The following ZNF710 variants were observed in gnomAD, a reference collection of about 807,000 sequenced individuals.
ZNF710 encodes the protein zinc finger protein 710.
A neutral mutation model predicts 50.6 loss-of-function variants in ZNF710; 13 were observed. That is an observed-to-expected ratio of 0.26 (90% CI 0.17 to 0.41). The LOEUF (loss-of-function observed/expected upper bound fraction) is 0.41, where lower values mean the gene tolerates loss of function less well. ZNF710 is among the 10% of genes least tolerant of loss of function. The probability of loss-of-function intolerance (pLI) is 1.00; values close to 1 mark genes in which losing one functional copy is unlikely to be tolerated. For synonymous variants in ZNF710, 383 were observed against 397.0 expected, an observed-to-expected ratio of 0.96 and a Z score of 0.42; for missense variants, 721 against 936.6, an observed-to-expected ratio of 0.77 and a Z score of 3.01.
chr15:90,050,996 T>G (rs914897086), intron 1 of ZNF710, among the ~76,000 whole-genome samples: 2 of 152,110 alleles, frequency 1.3e-5, no homozygotes, highest in Non-Finnish European at 2.9e-5. Flanking sequence ...CCCAGCACTT[T>G]GGGAGGCCGA....
intron 1 of ZNF710, chr15:90,002,600 C>A (rs952816873): frequency 6.6e-6 from 1 of 152,328 alleles, no homozygotes; most frequent in Admixed American, 6.5e-5. Context: ...AGCCTCCCCA[C>A]CCTAGGCGCA....
intron 2 of ZNF710, 64 bp from the exon 3 acceptor site, chr15:90,073,007 C>G (rs1042753158): frequency 2.6e-6 from 4 of 1,552,882 alleles, no homozygotes; most frequent in Non-Finnish European, 3.5e-6. Flanking sequence ...CGGCTCCCCA[C>G]AAAGGGTCAC....
chr15:90,033,161 A>G (rs1363527896), intron 1 of ZNF710, among the ~76,000 whole-genome samples: 3 of 152,182 alleles, frequency 2.0e-5, no homozygotes, highest in African/African-American at 4.8e-5. Flanking sequence ...CATTGGCAGG[A>G]TGACATCCAA....
chr15:90,027,364 C>T (rs1265020987), intron 1 of ZNF710, among the ~76,000 whole-genome samples: 2 of 152,068 alleles, frequency 1.3e-5, no homozygotes, highest in African/African-American at 4.8e-5. Flanking sequence ...GCGTGTGCCA[C>T]CAACCCGGCT....
Position 90,019,829 on chromosome 15 carries a change from G to C in ZNF710, c.-29+18215G>C, listed in dbSNP as rs549569903. Among the ~76,000 whole-genome samples the C allele has an allele frequency of 3.8e-3, 572 of 152,292 alleles. 8 individuals are homozygous for C. Among genetic ancestry groups the C allele is most frequent in the Non-Finnish European group, 5.0e-3 (343 of 68,020 alleles). On this transcript the variant is annotated intron_variant, in intron 1 of 4. Transcript: ENST00000268154. The stretch of plus-strand genomic sequence containing the variant: ...TCTGGTGCCAGCCGTTAGGGTGCCC[G>C]GGACAGAGAGCTGGCTTTGAGGATT...
At chr15:89,999,047 C>T (rs909397418), upstream of ZNF710, among the ~76,000 whole-genome samples, 6 of 152,220 alleles carry the variant, frequency 3.9e-5, no homozygotes, top group African/African-American at 1.4e-4. Context: ...GTAAACACTT[C>T]AACTCTTGAC....
intron 1 of ZNF710, among the ~76,000 whole-genome samples, chr15:90,044,557 A>G (rs1326768981): frequency 6.6e-6 from 1 of 152,236 alleles, no homozygotes; most frequent in Non-Finnish European, 1.5e-5. Context: ...TGACAGGGAC[A>G]CATGTGTCCC....
intron 1 of ZNF710, among the ~76,000 whole-genome samples, chr15:90,004,686 T>A (rs1403247524): frequency 6.6e-6 from 1 of 152,196 alleles, no homozygotes; most frequent in African/African-American, 2.4e-5. Context: ...ACCTGAGCTT[T>A]CAGAGCCTGT....
intron 1 of ZNF710, among the ~76,000 whole-genome samples, chr15:90,037,993 C>G (rs1899181410): frequency 6.6e-6 from 1 of 152,198 alleles, no homozygotes; most frequent in African/African-American, 2.4e-5. Context: ...GCCTGGCCTT[C>G]CAGCCAGGGT....
chr15:90,064,773 C>T (rs1046084798), intron 1 of ZNF710, among the ~76,000 whole-genome samples: 18 of 152,214 alleles, frequency 1.2e-4, no homozygotes, highest in Non-Finnish European at 2.1e-4. Context: ...CAGGTGTGAG[C>T]CACCATGCCC....
intron 1 of ZNF710, among the ~76,000 whole-genome samples, chr15:90,044,352 G>C (rs1423674448): frequency 6.6e-6 from 1 of 152,250 alleles, no homozygotes; most frequent in Non-Finnish European, 1.5e-5. Context: ...TCCCCACTCT[G>C]GCGGAGCGTG....
intron 1 of ZNF710, among the ~76,000 whole-genome samples, chr15:90,055,169 C>T (rs1453374097): frequency 1.3e-5 from 2 of 152,062 alleles, no homozygotes; most frequent in Non-Finnish European, 1.5e-5. Context: ...TTTAAAGTTA[C>T]AATAAGGTCC....
Position 90,059,547 on chromosome 15 carries a change from G to A in ZNF710, c.-28-7563G>A, listed in dbSNP as rs1899937079. Reference sequence around the variant, plus strand: ...CAGCCACTCTGACTCCCAGAGGTGGGGCTCAGTGAATCTGTCCACAGAGAA... The same window carrying A: ...CAGCCACTCTGACTCCCAGAGGTGGAGCTCAGTGAATCTGTCCACAGAGAA... On this transcript the variant is annotated intron_variant, in intron 1 of 4. Coordinates refer to ENST00000268154, the MANE Select transcript of ZNF710 (RefSeq NM_198526.4). This position sits in a 1 kb window ranked among gnomAD's most constrained non-coding sequence, Gnocchi z 4.1. Among the ~76,000 whole-genome samples, 1 of 152,152 alleles carries A rather than the reference G, an allele frequency of 6.6e-6. No homozygotes were observed.
intron 2 of ZNF710, among the ~76,000 whole-genome samples, chr15:90,069,528 A>G (rs1248478328): frequency 1.3e-5 from 2 of 152,194 alleles, no homozygotes; most frequent in Non-Finnish European, 2.9e-5. Context: ...GAGAGAGGCC[A>G]GGATGCAACA....
intron 1 of ZNF710, among the ~76,000 whole-genome samples, chr15:90,064,192 C>G (rs1265001227): frequency 1.3e-5 from 2 of 152,256 alleles, no homozygotes; most frequent in African/African-American, 4.8e-5. Flanking sequence ...CAGCCATGCT[C>G]CTCAGCGTGC....
chr15:90,004,793 G>A (rs985252001), intron 1 of ZNF710, among the ~76,000 whole-genome samples: 2 of 152,224 alleles, frequency 1.3e-5, no homozygotes, highest in Non-Finnish European at 2.9e-5. Flanking sequence ...GCATGAAACC[G>A]TGCGCTCACG....
At chr15:90,066,921 T>C (rs940707273) in intron 1 of ZNF710, among the ~76,000 whole-genome samples, 189 bp from the exon 2 acceptor site, 1 of 152,080 alleles carries the variant, frequency 6.6e-6, no homozygotes, top group Admixed American at 6.5e-5. Context: ...ATGGAGGAGA[T>C]GGTCAGATAC....
At chr15:90,001,996 A>AGAGAGAGAGG (rs913853529) in intron 1 of ZNF710, among the ~76,000 whole-genome samples, 5 of 143,878 alleles carry the variant, frequency 3.5e-5, no homozygotes, top group African/African-American at 1.3e-4. Flanking sequence ...AGAGAGAGAG[A>AGAGAGAGAGG]GGCAAAAATG....
intron 1 of ZNF710, among the ~76,000 whole-genome samples, chr15:90,043,018 GC>G (rs1247277671): frequency 1.3e-5 from 2 of 152,238 alleles, no homozygotes; most frequent in African/African-American, 4.8e-5. Flanking sequence ...TGGAGTGAGG[GC>G]CCAGCCTGAG....
Sources: gnomAD v4.1 joint callset for allele counts (sites outside exome capture counted in the v4.1 genomes callset) on GRCh38, gnomAD v4.1.1 for gene constraint, Gnocchi (gnomAD v3.1) non-coding constraint, MANE v1.5 for transcripts, NCBI Gene and HGNC (gene_info 2026-07-23, HGNC 2026-07-21) for gene names.